The following TMED3 variants were observed in gnomAD, a reference collection of about 807,000 sequenced individuals.
The protein encoded by TMED3 is transmembrane emp24 domain-containing protein 3.
TMED3 carries 9 observed loss-of-function variants against 15.0 expected under a neutral mutation model. That is an observed-to-expected ratio of 0.60 (90% CI 0.36 to 1.04). TMED3 has a LOEUF of 1.04. Among genes scored for constraint, TMED3 ranks in the 50% least tolerant of loss-of-function variants. The probability of loss-of-function intolerance (pLI) is 0.01; values close to 1 mark genes in which losing one functional copy is unlikely to be tolerated. For missense variants in TMED3, 267 were observed against 278.9 expected, an observed-to-expected ratio of 0.96 and a Z score of 0.30; for synonymous variants, 117 against 121.4, an observed-to-expected ratio of 0.96 and a Z score of 0.24.
intron 2 of TMED3, among the ~76,000 whole-genome samples, chr15:79,360,526 G>T (rs943191837): frequency 2.6e-5 from 4 of 152,338 alleles, no homozygotes; most frequent in Admixed American, 1.3e-4. Context: ...TTTTGCTATT[G>T]CAGGCATTGT....
In TMED3 at chr15:79,322,051, G is replaced by T; in HGVS notation, c.491G>T (p.Arg164Leu). ...GACTCCCAGACGCATTACCGGCTGC[G>T]GGAGGCCCAGGACCGGGCCCGAGCA... Reference protein sequence around the residue: ...VIDSQTHYRLREAQDRARAED... With the variant: ...VIDSQTHYRLLEAQDRARAED... The change falls in exon 3 of 3, where the codon CGG (arginine) becomes CTG (leucine). Residue 164 changes from arginine (R) to leucine (L), a missense_variant. Arg to Leu is a moderately radical substitution (Grantham distance 102). Transcript: ENST00000299705. The T allele has an allele frequency of 6.2e-7, 1 of 1,614,206 alleles. No individual in the cohort carries two copies. Among genetic ancestry groups the T allele is most frequent in the Non-Finnish European group, 8.5e-7 (1 of 1,180,038 alleles).
chr15:79,355,740 T>G (rs2058916372), intron 2 of TMED3, among the ~76,000 whole-genome samples: 1 of 152,116 alleles, frequency 6.6e-6, no homozygotes. Flanking sequence ...GTGTGAGCCA[T>G]CAGGAAACCA....
intron 2 of TMED3, chr15:79,383,163 C>A: frequency 1.3e-6 from 1 of 747,458 alleles, no homozygotes; most frequent in Non-Finnish European, 2.3e-6. Context: ...CCACTCTCAC[C>A]TGCACCAGTT....
intron 2 of TMED3, among the ~76,000 whole-genome samples, chr15:79,396,499 C>T (rs556632470): frequency 6.6e-6 from 1 of 152,332 alleles, no homozygotes; most frequent in African/African-American, 2.4e-5. Flanking sequence ...TGTAGCCTGT[C>T]CATGTGGCTT....
At chr15:79,321,211 G>A (rs1404142014) in intron 2 of TMED3, among the ~76,000 whole-genome samples, 1 of 152,192 alleles carries the variant, frequency 6.6e-6, no homozygotes, top group African/African-American at 2.4e-5. Flanking sequence ...TTAACGTGAT[G>A]CAGTCACAGA....
chr15:79,401,455 C>T (rs1360917864), intron 2 of TMED3, among the ~76,000 whole-genome samples: 1 of 152,102 alleles, frequency 6.6e-6, no homozygotes, highest in African/African-American at 2.4e-5. Context: ...AGTGGCTTTG[C>T]CCCCAGGGGA....
intron 2 of TMED3, among the ~76,000 whole-genome samples, chr15:79,391,687 G>GC (rs60262828): frequency 0.97 from 147,066 of 152,138 alleles, 71,300 homozygotes; most frequent in East Asian, 1. Context: ...GAGTATTGAA[G>GC]CCCCCACTAT....
Position 79,347,244 on chromosome 15 carries a change from T to A in TMED3, c.417+33239T>A, listed in dbSNP as rs185707709. Among the ~76,000 whole-genome samples, 103 of 152,282 alleles carry A rather than the reference T, an allele frequency of 6.8e-4. 1 individual carries two copies. The highest frequency in any genetic ancestry group is 2.4e-3 in the African/African-American group (99 of 41,558). Reference sequence around the variant, plus strand: ...TTCAACATATGCAAATCAATAAACATGATTCATTACATAAACAGAACTAAA... The same window carrying A: ...TTCAACATATGCAAATCAATAAACAAGATTCATTACATAAACAGAACTAAA... On this transcript the variant is annotated intron_variant, in intron 2 of 2. Transcript: ENST00000424155.
At chr15:79,398,785 C>T (rs768045640) in intron 2 of TMED3, among the ~76,000 whole-genome samples, 1 of 142,550 alleles carries the variant, frequency 7.0e-6, no homozygotes, top group East Asian at 1.9e-4. Context: ...CTGAGCATCC[C>T]ATGGCCCAGG....
At chr15:79,410,467 GCA>G (rs1893961203) in intron 2 of TMED3, among the ~76,000 whole-genome samples, 1 of 152,086 alleles carries the variant, frequency 6.6e-6, no homozygotes, top group African/African-American at 2.4e-5. Context: ...CAGCAAAAGA[GCA>G]CAACTATCAC....
downstream of TMED3, among the ~76,000 whole-genome samples, chr15:79,324,283 A>G (rs540120153): frequency 2.6e-5 from 4 of 152,174 alleles, no homozygotes; most frequent in South Asian, 2.1e-4. Flanking sequence ...GAGCCACTGC[A>G]CCCGGCCCCA....
chr15:79,363,272 T>C (rs961910959), intron 2 of TMED3, among the ~76,000 whole-genome samples: 1 of 152,166 alleles, frequency 6.6e-6, no homozygotes, highest in African/African-American at 2.4e-5. Context: ...ATCCTTTATT[T>C]CAGAAAGAAC....
At chr15:79,330,697 G>A (rs2058805083) in intron 2 of TMED3, among the ~76,000 whole-genome samples, 1 of 151,966 alleles carries the variant, frequency 6.6e-6, no homozygotes, top group South Asian at 2.1e-4. Context: ...AATTTATATG[G>A]AACCATAAAA....
intron 2 of TMED3, among the ~76,000 whole-genome samples, chr15:79,386,628 C>T (rs1893629529): frequency 6.6e-6 from 1 of 151,910 alleles, no homozygotes; most frequent in African/African-American, 2.4e-5. Context: ...CAACCTCCGC[C>T]TCCCAGGTTC....
chr15:79,319,791 C>CAG (rs530500209), intron 2 of TMED3, among the ~76,000 whole-genome samples: 12 of 150,680 alleles, frequency 8.0e-5, no homozygotes, highest in Non-Finnish European at 1.5e-4. Context: ...GCAGCCAAGG[C>CAG]AGAGAGAGAG....
intron 2 of TMED3, among the ~76,000 whole-genome samples, chr15:79,328,137 A>T (rs1390322029): frequency 6.6e-6 from 1 of 152,174 alleles, no homozygotes; most frequent in East Asian, 1.9e-4. Flanking sequence ...ACAGTGGTTT[A>T]AAAAAGTCAC....
At chr15:79,321,382 G>A (rs932924029) in intron 2 of TMED3, among the ~76,000 whole-genome samples, 4 of 152,214 alleles carry the variant, frequency 2.6e-5, no homozygotes, top group African/African-American at 9.7e-5. Flanking sequence ...ATGTGTCTAT[G>A]TAGTGCCTGT....
At chr15:79,378,103 C>T (rs986210341) in intron 2 of TMED3, among the ~76,000 whole-genome samples, 1 of 152,106 alleles carries the variant, frequency 6.6e-6, no homozygotes, top group African/African-American at 2.4e-5. Context: ...ATCAAAATTA[C>T]GAATGGAAAT....
intron 2 of TMED3, among the ~76,000 whole-genome samples, chr15:79,340,231 T>C (rs186806710): frequency 1.4e-3 from 214 of 152,296 alleles, no homozygotes; most frequent in Middle Eastern, 3.4e-3. Flanking sequence ...AAGTTCAACT[T>C]TACCTCAAGG....
Sources: gnomAD v4.1 joint callset for allele counts (sites outside exome capture counted in the v4.1 genomes callset) on GRCh38, gnomAD v4.1.1 for gene constraint, MANE v1.5 for transcripts, NCBI Gene and HGNC (gene_info 2026-07-23, HGNC 2026-07-21) for gene names.